The following MND1 variants were observed in gnomAD, a reference collection of about 807,000 sequenced individuals.
The protein encoded by MND1 is meiotic nuclear divisions 1.
In MND1, 28 loss-of-function variants were observed where a neutral mutation model predicts 35.1. That is an observed-to-expected ratio of 0.80 (90% confidence interval 0.59 to 1.09). The LOEUF is 1.09. MND1 is among the 50% of genes least tolerant of loss of function. The pLI is 0.00. For synonymous variants in MND1, 69 were observed against 70.5 expected (o/e 0.98, Z 0.11); for missense variants, 213 against 239.6 (o/e 0.89, Z 0.73).
intron 4 of MND1, among the ~76,000 whole-genome samples, chr4:153,360,232 A>G (rs191082690): frequency 6.6e-6 from 1 of 152,262 alleles, no homozygotes; most frequent in East Asian, 1.9e-4. Flanking sequence ...TCTTTATCAA[A>G]TATGTGTTTT....
At chr4:153,396,821 A>G (rs968655874) in intron 5 of MND1, among the ~76,000 whole-genome samples, 9 of 152,168 alleles carry the variant, frequency 5.9e-5, no homozygotes, top group Admixed American at 2.0e-4. Flanking sequence ...AGATAATTGT[A>G]TAATGATCGA....
Position 153,358,638 on chromosome 4 carries a change from TAAAAAG to T in MND1, c.276+19_276+24del. The T allele has an allele frequency of 6.2e-7, 1 of 1,609,406 alleles. No individual in the cohort carries two copies. Among genetic ancestry groups the T allele is most frequent in the Admixed American group, 1.7e-5 (1 of 59,218 alleles). On this transcript the variant is annotated intron_variant, in intron 4 of 7. Coordinates refer to ENST00000240488, the MANE Select transcript of MND1 (RefSeq NM_032117.4). The stretch of plus-strand genomic sequence containing the variant: ...GGAATCTCAGGTAAGCTGCCACAGT[TAAAAAG>T]AATAGAGTTGCTTTATAACGGAGAG...
chr4:153,347,745 G>A (rs1476216269), intron 1 of MND1, among the ~76,000 whole-genome samples: 2 of 152,228 alleles, frequency 1.3e-5, no homozygotes, highest in Admixed American at 6.5e-5. Context: ...TAGGCAAGAA[G>A]TGAGGATGTT....
intron 4 of MND1, among the ~76,000 whole-genome samples, chr4:153,375,345 C>G (rs1011360409): frequency 2.6e-5 from 4 of 152,118 alleles, no homozygotes; most frequent in Admixed American, 2.6e-4. Context: ...TTGCTGCTAA[C>G]TCTATTTTAT....
chr4:153,352,699 C>CT (rs766871392), intron 2 of MND1, among the ~76,000 whole-genome samples: 2 of 144,724 alleles, frequency 1.4e-5, no homozygotes, highest in East Asian at 4.2e-4. Context: ...TGATCACACT[C>CT]TGTCACTCAG....
intron 2 of MND1, among the ~76,000 whole-genome samples, chr4:153,350,895 G>T (rs1026690779): frequency 6.7e-5 from 10 of 148,308 alleles, no homozygotes; most frequent in African/African-American, 9.9e-5. Context: ...GGGAAAAGTG[G>T]TAGAATTGAA....
chr4:153,396,198 C>T (rs1425589239), intron 5 of MND1, among the ~76,000 whole-genome samples: 3 of 152,110 alleles, frequency 2.0e-5, no homozygotes, highest in Non-Finnish European at 4.4e-5. Flanking sequence ...TTCTCGGTCC[C>T]AGTGGCCACA....
intron 7 of MND1, among the ~76,000 whole-genome samples, chr4:153,412,121 T>C (rs908042150): frequency 6.6e-6 from 1 of 152,356 alleles, no homozygotes; most frequent in South Asian, 2.1e-4. Context: ...CATTTTAATA[T>C]CTGTTGACAT....
chr4:153,412,345 A>G (rs1729706086), intron 7 of MND1, among the ~76,000 whole-genome samples: 1 of 152,120 alleles, frequency 6.6e-6, no homozygotes, highest in South Asian at 2.1e-4. Context: ...AGGGTGGCTT[A>G]AACAACAGAA....
At chr4:153,408,246 GGAGACA>G (rs561981651) in intron 6 of MND1, among the ~76,000 whole-genome samples, 73 of 152,162 alleles carry the variant, frequency 4.8e-4, no homozygotes, top group African/African-American at 1.5e-3. Flanking sequence ...CTCCAGCTTG[GGAGACA>G]GAGTGAGACC....
At chr4:153,366,035 C>T (rs1773629335) in intron 4 of MND1, among the ~76,000 whole-genome samples, 1 of 152,210 alleles carries the variant, frequency 6.6e-6, no homozygotes, top group African/African-American at 2.4e-5. Flanking sequence ...AGTGTTGGCA[C>T]AGCTGTTGCT....
chr4:153,366,387 A>T (rs1266761873), intron 4 of MND1, among the ~76,000 whole-genome samples: 5 of 152,224 alleles, frequency 3.3e-5, no homozygotes, highest in African/African-American at 9.6e-5. Flanking sequence ...TGAATTTTTT[A>T]AAAATTCAAC....
chr4:153,408,207 C>T (rs1729576006), intron 6 of MND1, among the ~76,000 whole-genome samples: 1 of 152,158 alleles, frequency 6.6e-6, no homozygotes, highest in Non-Finnish European at 1.5e-5. Flanking sequence ...CAGTTTGAGG[C>T]TGCAGTGAGC....
rs748974681 is a variant in MND1, at chr4:153,344,762, C to CCGCGTCTT, written c.3+24_3+31dup. 3.0e-5 allele frequency: 48 copies of CCGCGTCTT among 1,600,552 alleles called. No individual in the cohort carries two copies. In the Admixed American group the frequency reaches 8.1e-4, roughly 27 times the overall value. The stretch of plus-strand genomic sequence containing the variant: ...CATGGTAAGGACTGAGGCTACGGTC[C>CCGCGTCTT]CGCGTCTTCTTCCTCCCTAGTGTGT... On this transcript the variant is annotated intron_variant, in intron 1 of 7. Coordinates refer to ENST00000240488, the MANE Select transcript of MND1 (RefSeq NM_032117.4).
chr4:153,389,562 T>A (rs772879248), intron 4 of MND1, among the ~76,000 whole-genome samples: 12 of 152,136 alleles, frequency 7.9e-5, no homozygotes, highest in Admixed American at 2.0e-4. Flanking sequence ...GATTTCACCA[T>A]GTTGGTCAGG....
chr4:153,354,796 G>A (rs2149630982), intron 2 of MND1, among the ~76,000 whole-genome samples: 1 of 152,230 alleles, frequency 6.6e-6, no homozygotes, highest in South Asian at 2.1e-4. Context: ...CACCATGACT[G>A]GCCTATAACT....
At chr4:153,405,606 A>G (rs1729478565) in intron 6 of MND1, among the ~76,000 whole-genome samples, 1 of 152,084 alleles carries the variant, frequency 6.6e-6, no homozygotes, top group East Asian at 1.9e-4. Flanking sequence ...AATAAACCCA[A>G]TTGATTTTCA....
At chr4:153,365,568 G>A (rs1773617039) in intron 4 of MND1, among the ~76,000 whole-genome samples, 1 of 151,704 alleles carries the variant, frequency 6.6e-6, no homozygotes, top group African/African-American at 2.4e-5. Flanking sequence ...TTAAGAAAAA[G>A]GAAAGAGAAG....
At chr4:153,356,509 C>T (rs1285000099) in intron 3 of MND1, among the ~76,000 whole-genome samples, 1 of 139,900 alleles carries the variant, frequency 7.1e-6, no homozygotes, top group African/African-American at 2.6e-5. Flanking sequence ...GCCGAGATCG[C>T]GCCACTGCAC....
Sources: gnomAD v4.1 joint callset for allele counts (sites outside exome capture counted in the v4.1 genomes callset) on GRCh38, gnomAD v4.1.1 for gene constraint, MANE v1.5 for transcripts, NCBI Gene and HGNC (gene_info 2026-07-23, HGNC 2026-07-21) for gene names.